Variants in STK10 observed in about 807,000 individuals in gnomAD.
STK10 encodes the protein serine/threonine-protein kinase 10.
A neutral mutation model predicts 113.8 loss-of-function variants in STK10; 78 were observed. That is an observed-to-expected ratio of 0.69 (90% CI 0.57 to 0.83). The LOEUF (loss-of-function observed/expected upper bound fraction) is 0.83. Ranked by LOEUF, STK10 falls within the 40% of genes least tolerant of loss-of-function variation. The probability of loss-of-function intolerance (pLI) is 0.00; values close to 1 mark genes in which losing one functional copy is unlikely to be tolerated. For missense variants in STK10, 1,109 were observed against 1,280.1 expected (o/e 0.87, Z 2.04); for synonymous variants, 465 against 494.7 (o/e 0.94, Z 0.80).
At chr5:172,161,961 A>C (rs1203555952) in intron 1 of STK10, among the ~76,000 whole-genome samples, 3 of 152,134 alleles carry the variant, frequency 2.0e-5, no homozygotes, top group Non-Finnish European at 2.9e-5. Context: ...ATGATGGGCC[A>C]TTTTCCAGAG....
At chr5:172,123,544 T>C (rs181348103) in intron 3 of STK10, among the ~76,000 whole-genome samples, 47 of 152,306 alleles carry the variant, frequency 3.1e-4, no homozygotes, top group Admixed American at 5.2e-4. Context: ...TTAAGCTGCA[T>C]ACCAGGGGAC....
chr5:172,100,965 T>A (rs1768977504), intron 7 of STK10, among the ~76,000 whole-genome samples: 1 of 152,064 alleles, frequency 6.6e-6, no homozygotes, highest in African/African-American at 2.4e-5. Context: ...AGGACCAGGA[T>A]CAGAACCCAG....
rs1023179892 is a variant in STK10, at chr5:172,161,345, C to T, written c.157-4557G>A. Reference sequence around the variant, plus strand: ...GTGACCGCCTGTAGTCCCAACTACTCGGGAGGCTGAAGCAGGAGAATCGCT... The same window carrying T: ...GTGACCGCCTGTAGTCCCAACTACTTGGGAGGCTGAAGCAGGAGAATCGCT... On this transcript the variant is annotated intron_variant, in intron 1 of 18. Transcript: ENST00000176763. 4.0e-5 allele frequency among the ~76,000 whole-genome samples: 6 copies of T among 151,792 alleles called. No individual in the cohort carries two copies. The East Asian group carries it at 9.7e-4, about 25-fold the overall frequency.
chr5:172,062,176 C>T (rs1249335169), intron 13 of STK10, among the ~76,000 whole-genome samples: 1 of 152,058 alleles, frequency 6.6e-6, no homozygotes, highest in African/African-American at 2.4e-5. Flanking sequence ...CGGGGTTTCA[C>T]CATGTTGGCC....
intron 2 of STK10, among the ~76,000 whole-genome samples, chr5:172,145,279 A>G (rs904507103): frequency 6.6e-6 from 1 of 152,236 alleles, no homozygotes; most frequent in Non-Finnish European, 1.5e-5. Context: ...GTGACCCCCA[A>G]GGAGGAGGTC....
intron 3 of STK10, among the ~76,000 whole-genome samples, chr5:172,126,682 C>T (rs879571666): frequency 1.3e-5 from 2 of 152,202 alleles, no homozygotes; most frequent in Non-Finnish European, 2.9e-5. Flanking sequence ...AAAGGAATGG[C>T]CACTACTAAC....
At chr5:172,063,844 T>A (rs940131877) in intron 13 of STK10, among the ~76,000 whole-genome samples, 3 of 152,164 alleles carry the variant, frequency 2.0e-5, no homozygotes, top group Non-Finnish European at 4.4e-5. Flanking sequence ...ATACAAAGCA[T>A]TTCTAAATAT....
intron 1 of STK10, among the ~76,000 whole-genome samples, chr5:172,178,176 T>C (rs1475812108): frequency 6.6e-6 from 1 of 152,174 alleles, no homozygotes; most frequent in African/African-American, 2.4e-5. Flanking sequence ...ATCTGGGATT[T>C]TCTGTGAAAT....
At chr5:172,104,057 G>A (rs771654420) in intron 7 of STK10, among the ~76,000 whole-genome samples, 2 of 152,194 alleles carry the variant, frequency 1.3e-5, no homozygotes, top group Non-Finnish European at 2.9e-5. Flanking sequence ...TCAGAATGCC[G>A]ACCACAGGCC....
At position 172,082,120 on chromosome 5, in the gene STK10, A is replaced by G. The variant is rs1447185677; in HGVS notation, c.1989+206T>C. On this transcript the variant is annotated intron_variant, in intron 12 of 18. Transcript: ENST00000176763. This position sits in a 1 kb window ranked among gnomAD's most constrained non-coding sequence, Gnocchi z 4.3. ...CAGGGTGAGGCCTGCCCTGAGCCAT[A>G]GCAACACAGAGGAAAGCAGAGTTCA... Among the ~76,000 whole-genome samples the G allele has an allele frequency of 2.0e-5, 3 of 152,138 alleles. No homozygotes were observed. Among genetic ancestry groups the G allele is most frequent in the Non-Finnish European group, 4.4e-5 (3 of 68,006 alleles).
At position 172,051,399 on chromosome 5, in the gene STK10, C is replaced by T. The variant is rs374610665; in HGVS notation, c.2766+1530G>A. 9.9e-5 allele frequency among the ~76,000 whole-genome samples: 15 copies of T among 151,438 alleles called. No individual in the cohort carries two copies. The East Asian group carries it at 1.6e-3, about 16-fold the overall frequency. ...CAGCACTTTGGGAGGCCGAGGGGGG[C>T]GGATCACTTGAGGTCAGGAGTTCAA... On this transcript the variant is annotated intron_variant, in intron 18 of 18. Coordinates refer to ENST00000176763, the MANE Select transcript of STK10 (RefSeq NM_005990.4).
chr5:172,170,106 ACACT>A (rs1391054028), intron 1 of STK10, among the ~76,000 whole-genome samples: 1 of 147,930 alleles, frequency 6.8e-6, no homozygotes, highest in Non-Finnish European at 1.5e-5. Context: ...GTCATGGCAG[ACACT>A]CAGTATGTAT....
At chr5:172,173,392 T>G (rs973650166) in intron 1 of STK10, among the ~76,000 whole-genome samples, 2 of 152,176 alleles carry the variant, frequency 1.3e-5, no homozygotes, top group African/African-American at 2.4e-5. Context: ...AACTGCCTCA[T>G]AGGGCCAAGC....
intron 12 of STK10, among the ~76,000 whole-genome samples, chr5:172,081,212 G>A (rs1029517998): frequency 5.3e-5 from 8 of 151,948 alleles, no homozygotes; most frequent in East Asian, 3.9e-4. Flanking sequence ...TTAGCCAAGC[G>A]TGGTGGTGCG....
Position 172,156,695 on chromosome 5 carries a change from T to C in STK10, c.250A>G (p.Ile84Val), listed in dbSNP as rs1770354241. The change falls in exon 2 of 19, where the codon ATC (isoleucine) becomes GTC (valine). Residue 84 changes from isoleucine to valine, a missense_variant. Transcript: ENST00000176763. Reference sequence around the variant, plus strand: ...TAGGGGTGGTCGCAGGTGGCCAGGATCTCAATCTCCACGATGTAGTCCTCC... The same window carrying C: ...TAGGGGTGGTCGCAGGTGGCCAGGACCTCAATCTCCACGATGTAGTCCTCC... ...ELEDYIVEIE[I>V]LATCDHPYIV... 1 of 1,613,984 alleles carries C rather than the reference T, an allele frequency of 6.2e-7. No homozygotes were observed. The highest frequency in any genetic ancestry group is 1.3e-5 in the African/African-American group (1 of 74,896).
chr5:172,143,996 T>G (rs1308158121), intron 2 of STK10, among the ~76,000 whole-genome samples: 1 of 152,226 alleles, frequency 6.6e-6, no homozygotes, highest in Non-Finnish European at 1.5e-5. Flanking sequence ...CTCCCTCTAC[T>G]GCCAACCAAG....
chr5:172,049,060 C>T (rs998607978), intron 18 of STK10, among the ~76,000 whole-genome samples: 1 of 152,074 alleles, frequency 6.6e-6, no homozygotes, highest in African/African-American at 2.4e-5. Flanking sequence ...CCTGCCACAC[C>T]GTCTGAAGCA....
intron 7 of STK10, among the ~76,000 whole-genome samples, chr5:172,104,311 G>T (rs1769054294): frequency 6.6e-6 from 1 of 152,210 alleles, no homozygotes. Flanking sequence ...CAAATGACCG[G>T]GCAAGTGCTG....
intron 15 of STK10, chr5:172,057,121 T>C (rs1581133582): frequency 3.7e-6 from 2 of 541,580 alleles, no homozygotes. Context: ...GGGAGCCACT[T>C]GGGCCATTGG....
Sources: gnomAD v4.1 joint callset for allele counts (sites outside exome capture counted in the v4.1 genomes callset) on GRCh38, gnomAD v4.1.1 for gene constraint, Gnocchi (gnomAD v3.1) non-coding constraint, MANE v1.5 for transcripts, NCBI Gene and HGNC (gene_info 2026-07-23, HGNC 2026-07-21) for gene names.